The following CELF2 variants were observed in gnomAD, a reference collection of about 807,000 sequenced individuals.
CELF2 encodes the protein CUG triplet repeat RNA-binding protein 2.
In CELF2, 8 loss-of-function variants were observed where a neutral mutation model predicts 62.6. The ratio of observed to expected loss-of-function variants is 0.13; its 90% CI spans 0.07 to 0.23. The LOEUF is 0.23. Ranked by LOEUF, CELF2 falls within the 10% of genes least tolerant of loss-of-function variation. The pLI is 1.00. For missense variants in CELF2, 333 were observed against 671.0 expected (o/e 0.50, Z 5.56); for synonymous variants, 258 against 250.0 (o/e 1.03, Z -0.30).
the CELF2 span, among the ~76,000 whole-genome samples, chr10:10,673,291 C>T: frequency 6.6e-6 from 1 of 152,106 alleles, no homozygotes; most frequent in African/African-American, 2.4e-5. Context: ...TCTTATTGCA[C>T]TAGCTAGTAT....
chr10:11,134,354 G>A (rs566827972), intron 1 of CELF2, among the ~76,000 whole-genome samples: 104 of 152,350 alleles, frequency 6.8e-4, no homozygotes, highest in African/African-American at 2.3e-3. Context: ...AAAAGTGGTG[G>A]AGTTGCTAAG....
chr10:10,965,770 C>G (rs1469295270), intron 2 of CELF2, among the ~76,000 whole-genome samples: 1 of 152,104 alleles, frequency 6.6e-6, no homozygotes, highest in African/African-American at 2.4e-5. Flanking sequence ...AGCTGAGCTC[C>G]AAATATATCA....
At chr10:10,556,112 A>G in the CELF2 span, among the ~76,000 whole-genome samples, 1 of 152,250 alleles carries the variant, frequency 6.6e-6, no homozygotes, top group East Asian at 1.9e-4. Context: ...TACATGTGAC[A>G]TGCTGGTGTG....
chr10:11,294,000 A>T (rs1308557882), intron 9 of CELF2, among the ~76,000 whole-genome samples: 1 of 152,152 alleles, frequency 6.6e-6, no homozygotes, highest in African/African-American at 2.4e-5. Flanking sequence ...CAAACCTGCA[A>T]TTTGGTTTCA....
At chr10:10,682,925 C>A in the CELF2 span, among the ~76,000 whole-genome samples, 1 of 152,120 alleles carries the variant, frequency 6.6e-6, no homozygotes, top group African/African-American at 2.4e-5. Flanking sequence ...AAGCAGTCAG[C>A]TGTATATGAA....
rs1035511388 is a variant in CELF2, at chr10:11,157,924, A to G, written c.75-7562A>G. ...GTCACCACAACCTAGTCTGCAGGGA[A>G]TCAGATGTCGTGTGTCTTTCGTTTG... On this transcript the variant is annotated intron_variant, in intron 1 of 12. Coordinates refer to ENST00000633077, the MANE Select transcript of CELF2 (RefSeq NM_001326342.2). This position sits in a 1 kb window ranked among gnomAD's most constrained non-coding sequence, Gnocchi z 4.9. 2.0e-5 allele frequency among the ~76,000 whole-genome samples: 3 copies of G among 152,218 alleles called. No homozygotes were observed. Among genetic ancestry groups the G allele is most frequent in the Non-Finnish European group, 1.5e-5 (1 of 68,032 alleles).
chr10:10,558,238 G>A, the CELF2 span, among the ~76,000 whole-genome samples: 2 of 152,038 alleles, frequency 1.3e-5, no homozygotes, highest in Non-Finnish European at 2.9e-5. Flanking sequence ...AGAGTTTTTA[G>A]CATGAAGGGT....
chr10:11,282,561 A>C (rs1328193088), intron 8 of CELF2, among the ~76,000 whole-genome samples: 1 of 152,176 alleles, frequency 6.6e-6, no homozygotes, highest in Non-Finnish European at 1.5e-5. Context: ...GGACAGTATT[A>C]TTGCAGTTAT....
the CELF2 span, among the ~76,000 whole-genome samples, chr10:10,755,869 C>T: frequency 1.6e-4 from 24 of 152,250 alleles, no homozygotes; most frequent in Admixed American, 1.4e-3. Flanking sequence ...GACGCACAAC[C>T]AAAAACAACC....
intron 2 of CELF2, among the ~76,000 whole-genome samples, chr10:10,985,503 T>C (rs1326064759): frequency 6.6e-6 from 1 of 152,202 alleles, no homozygotes; most frequent in Non-Finnish European, 1.5e-5. Context: ...AGACTATTCT[T>C]GCATTTTAAT....
the CELF2 span, among the ~76,000 whole-genome samples, chr10:10,467,912 A>G: frequency 6.6e-6 from 1 of 152,102 alleles, no homozygotes; most frequent in African/African-American, 2.4e-5. Context: ...ATCAAGGTCA[A>G]GAGACTTTTA....
At chr10:10,857,649 G>GTTTATATATATATATA (rs1554855649) in intron 1 of CELF2, among the ~76,000 whole-genome samples, 132 of 94,198 alleles carry the variant, frequency 1.4e-3, no homozygotes, top group African/African-American at 3.5e-3. Context: ...CATATATATA[G>GTTTATATATATATATA]TATATATATA....
At chr10:10,784,009 A>T in the CELF2 span, among the ~76,000 whole-genome samples, 1 of 152,028 alleles carries the variant, frequency 6.6e-6, no homozygotes, top group African/African-American at 2.4e-5. Flanking sequence ...TAAATAAAGA[A>T]CTGAAGGTCA....
At chr10:10,713,878 T>C in the CELF2 span, among the ~76,000 whole-genome samples, 1 of 151,964 alleles carries the variant, frequency 6.6e-6, no homozygotes, top group Non-Finnish European at 1.5e-5. Context: ...CTACTAAAAA[T>C]ACAAAACTTA....
chr10:11,233,928 C>T (rs1220577090), intron 3 of CELF2, among the ~76,000 whole-genome samples: 1 of 152,182 alleles, frequency 6.6e-6, no homozygotes, highest in East Asian at 1.9e-4. Context: ...CAGAGTTGTA[C>T]ATCACCCCCT....
At chr10:11,180,358 T>G (rs771997139) in intron 2 of CELF2, among the ~76,000 whole-genome samples, 9 of 152,236 alleles carry the variant, frequency 5.9e-5, no homozygotes, top group African/African-American at 9.6e-5. Context: ...CCACCGCTTC[T>G]GTGACCTAGA....
chr10:10,660,581 C>T, the CELF2 span, among the ~76,000 whole-genome samples: 2 of 152,202 alleles, frequency 1.3e-5, no homozygotes, highest in Non-Finnish European at 2.9e-5. Context: ...TATTTTATTG[C>T]TGTAATGGCT....
At chr10:10,498,194 A>G in the CELF2 span, among the ~76,000 whole-genome samples, 7 of 152,300 alleles carry the variant, frequency 4.6e-5, no homozygotes, top group African/African-American at 1.4e-4. Context: ...AAAGAGGCGG[A>G]AGGCGCCCAT....
At chr10:10,641,795 C>G in the CELF2 span, among the ~76,000 whole-genome samples, 1 of 152,134 alleles carries the variant, frequency 6.6e-6, no homozygotes, top group South Asian at 2.1e-4. Context: ...TCAGTTTGCT[C>G]TTGTGTTTCT....
Sources: allele counts gnomAD v4.1 joint callset (sites outside exome capture counted in the v4.1 genomes callset), GRCh38; gene constraint gnomAD v4.1.1; non-coding constraint Gnocchi (gnomAD v3.1); transcripts MANE v1.5; gene names NCBI Gene and HGNC (gene_info 2026-07-23, HGNC 2026-07-21).